The following SS18L1 variants were observed in gnomAD, a reference collection of about 807,000 sequenced individuals.
The protein encoded by SS18L1 is calcium-responsive transactivator.
Under a neutral mutation model 70.3 loss-of-function variants are expected in SS18L1, and 32 were observed. That is an observed-to-expected ratio of 0.46 (90% CI 0.34 to 0.61). SS18L1 has a LOEUF of 0.61. Among genes scored for constraint, SS18L1 ranks in the 20% least tolerant of loss-of-function variants. The pLI is 0.01. For missense variants in SS18L1, 430 were observed against 542.1 expected (o/e 0.79, Z 2.05); for synonymous variants, 237 against 229.7 (o/e 1.03, Z -0.29).
rs560722628 is a variant in SS18L1, at chr20:62,147,850, G to A, written c.69+3961G>A. Among the ~76,000 whole-genome samples the A allele has an allele frequency of 2.6e-5, 4 of 152,248 alleles. No individual in the cohort carries two copies. In the South Asian group the frequency reaches 8.3e-4, roughly 32 times the overall value. On this transcript the variant is annotated intron_variant, in intron 1 of 10. Transcript: ENST00000331758. ...CCATGTCCTTGGTACCCAGGTGCGG[G>A]GGTGGGGCATGGGCAAGGGGCGCAC...
At chr20:62,155,335 C>T (rs2057203651) in intron 1 of SS18L1, among the ~76,000 whole-genome samples, 1 of 152,178 alleles carries the variant, frequency 6.6e-6, no homozygotes, top group Non-Finnish European at 1.5e-5. Flanking sequence ...ATCACTTGAG[C>T]CTGGGAGGTG....
intron 8 of SS18L1, among the ~76,000 whole-genome samples, chr20:62,168,776 T>C (rs997586811): frequency 6.6e-6 from 1 of 152,188 alleles, no homozygotes; most frequent in Non-Finnish European, 1.5e-5. Flanking sequence ...ATCACACCAC[T>C]GCGCTCCAGC....
At chr20:62,157,040 A>ACC (rs1202703599) in intron 1 of SS18L1, among the ~76,000 whole-genome samples, 8 of 148,578 alleles carry the variant, frequency 5.4e-5, no homozygotes, top group African/African-American at 1.0e-4. Context: ...CCCCTCCCAT[A>ACC]CCCCCTCTCT....
intron 8 of SS18L1, among the ~76,000 whole-genome samples, chr20:62,172,163 CAA>C (rs757618374): frequency 6.1e-5 from 8 of 131,110 alleles, no homozygotes; most frequent in Admixed American, 7.7e-5. Context: ...AACTCCATCT[CAA>C]AAAAAAAAAA....
At chr20:62,178,127 A>G (rs1269270423) in intron 10 of SS18L1, among the ~76,000 whole-genome samples, 2 of 147,398 alleles carry the variant, frequency 1.4e-5, no homozygotes, top group Non-Finnish European at 1.5e-5. Context: ...ATGCGCCACA[A>G]CATGTGGCTT....
chr20:62,159,933 A>G lies in SS18L1; in HGVS notation c.203A>G (p.Asn68Ser), dbSNP rs2057294391. 4 of 1,612,242 alleles carry G rather than the reference A, an allele frequency of 2.5e-6. No individual in the cohort carries two copies. The highest frequency in any genetic ancestry group is 1.1e-5 in the South Asian group (1 of 91,014). The change falls in exon 3 of 11, where the codon AAC becomes AGC. Residue 68 changes from asparagine (N) to serine (S), a missense_variant. Physicochemically the swap from Asn to Ser is conservative, Grantham distance 46. Coordinates refer to ENST00000331758, the MANE Select transcript of SS18L1 (RefSeq NM_198935.3). The surrounding 1 kb of genome is among the most constrained non-coding windows in gnomAD (Gnocchi z 4.4). ...LVYLATIADS[N>S]QNMQSLLPAP... ...TACCTGGCCACGATCGCAGACTCCA[A>G]CCAGAACATGCAGTCCCTGCTTCCT...
rs1568747215 is a variant in SS18L1, at chr20:62,159,866, CT to C, written c.147-10del. 1 of 1,611,664 alleles carries C rather than the reference CT, an allele frequency of 6.2e-7. No individual in the cohort carries two copies. Among genetic ancestry groups the C allele is most frequent in the Non-Finnish European group, 8.5e-7 (1 of 1,179,564 alleles). ...CGTCGTCCTGCCTCATGCGTGCCCC[CT>C]CTCCTGCAGGTACCAGCAGATCCTG... On this transcript the variant is annotated splice_polypyrimidine_tract_variant and intron_variant, in intron 2 of 10. Coordinates refer to ENST00000331758, the MANE Select transcript of SS18L1 (RefSeq NM_198935.3). The surrounding 1 kb of genome is among the most constrained non-coding windows in gnomAD (Gnocchi z 4.4).
chr20:62,180,929 A>G lies in SS18L1; in HGVS notation c.*1721A>G, dbSNP rs907382779. 5.1e-5 allele frequency: 9 copies of G among 176,070 alleles called. No individual in the cohort carries two copies. Among genetic ancestry groups the G allele is most frequent in the African/African-American group, 2.1e-4 (9 of 42,308 alleles). 10.9% of individuals were successfully genotyped at this position (176,070 alleles called of 1,614,324 possible). On this transcript the variant is annotated 3_prime_UTR_variant, in exon 11 of 11. Coordinates refer to ENST00000331758, the MANE Select transcript of SS18L1 (RefSeq NM_198935.3). ...AAATAAATAAATAAATAAATAAGTT[A>G]AAATTAATTCTTTATCCAGAGTCGG... is the stretch of plus-strand genomic sequence containing the variant.
rs2057288652 is a variant in SS18L1, at chr20:62,159,638, T to A, written c.147-239T>A. ...TGTTACCTTAGAGTCTTTCCAGAGT[T>A]TTTGTCATGGGTTGGGAGCCTGCTC... On this transcript the variant is annotated intron_variant, in intron 2 of 10. Coordinates refer to ENST00000331758, the MANE Select transcript of SS18L1 (RefSeq NM_198935.3). This position sits in a 1 kb window ranked among gnomAD's most constrained non-coding sequence, Gnocchi z 4.4. 6.6e-6 allele frequency among the ~76,000 whole-genome samples: 1 copy of A among 151,916 alleles called. No individual in the cohort carries two copies. Among genetic ancestry groups the A allele is most frequent in the Non-Finnish European group, 1.5e-5 (1 of 67,884 alleles).
intron 1 of SS18L1, among the ~76,000 whole-genome samples, chr20:62,145,704 G>T (rs2057012908): frequency 6.6e-6 from 1 of 152,206 alleles, no homozygotes; most frequent in Non-Finnish European, 1.5e-5. Context: ...GCTGACCATT[G>T]GAAATAGGCC....
intron 4 of SS18L1, 87 bp from the exon 5 acceptor site, chr20:62,162,665 C>T: frequency 7.0e-7 from 1 of 1,424,368 alleles, no homozygotes. Context: ...CCCAAAGTCA[C>T]TTGAAGGGAA....
intron 7 of SS18L1, 99 bp downstream of exon 7, chr20:62,164,345 G>A: frequency 8.3e-7 from 1 of 1,208,472 alleles, no homozygotes; most frequent in Middle Eastern, 2.8e-4. Flanking sequence ...ACTGCAGTGT[G>A]TCCTCAGTCA....
Position 62,165,757 on chromosome 20 carries a change from G to T in SS18L1, c.916+243G>T, listed in dbSNP as rs370896436. Among the ~76,000 whole-genome samples the T allele has an allele frequency of 3.9e-5, 6 of 151,934 alleles. No homozygotes were observed. In the East Asian group the frequency reaches 1.2e-3, roughly 29 times the overall value. On this transcript the variant is annotated intron_variant, in intron 8 of 10. Coordinates refer to ENST00000331758, the MANE Select transcript of SS18L1 (RefSeq NM_198935.3). ...GATTCAGCCGGCCATGCTGGGGTTG[G>T]GGGCACAGACTTGGTTATTGGGTCC...
At position 62,165,550 on chromosome 20, in the gene SS18L1, A is replaced by G. The variant is rs1362446158; in HGVS notation, c.916+36A>G. 6 of 1,580,192 alleles carry G rather than the reference A, an allele frequency of 3.8e-6. No homozygotes were observed. In the South Asian group the frequency reaches 5.7e-5, roughly 15 times the overall value. On this transcript the variant is annotated intron_variant, in intron 8 of 10. Coordinates refer to ENST00000331758, the MANE Select transcript of SS18L1 (RefSeq NM_198935.3). ...CGGCTGCGTGCTGGGCTCGAGCGTAAGCGCCACACGCAGCAGAGTTAAGAC... is the reference window on the plus strand; with the variant it reads ...CGGCTGCGTGCTGGGCTCGAGCGTAGGCGCCACACGCAGCAGAGTTAAGAC...
At chr20:62,149,209 C>T (rs913992438) in intron 1 of SS18L1, among the ~76,000 whole-genome samples, 1 of 152,228 alleles carries the variant, frequency 6.6e-6, no homozygotes, top group South Asian at 2.1e-4. Flanking sequence ...GAGCAGTTAG[C>T]GGGCTGGCGC....
At chr20:62,146,208 C>T (rs958681678) in intron 1 of SS18L1, among the ~76,000 whole-genome samples, 7 of 152,216 alleles carry the variant, frequency 4.6e-5, no homozygotes, top group South Asian at 2.1e-4. Context: ...TCACGTGTTC[C>T]GCGTCTCATG....
rs2145786613 is a variant in SS18L1, at chr20:62,174,957, T to C, written c.1164+313T>C. 1 of 969,326 alleles carries C rather than the reference T, an allele frequency of 1.0e-6. No homozygotes were observed. The highest frequency in any genetic ancestry group is 1.2e-6 in the Non-Finnish European group (1 of 815,388). The allele number at this position is 969,326 out of a possible 1,614,324, so 60.0% of individuals were successfully genotyped here. A position where few individuals can be genotyped will look rare whatever the true frequency, so the allele number is the denominator to read the frequency against. On this transcript the variant is annotated intron_variant, in intron 10 of 10. Transcript: ENST00000331758. The surrounding 1 kb of genome is among the most constrained non-coding windows in gnomAD (Gnocchi z 4.1). ...CGTCCGGTCTCTGCTGAGTGCTTGG[T>C]GTGTGGCCGCGACACGAACCCTGCA...
chr20:62,152,309 T>C (rs889893385), intron 1 of SS18L1, among the ~76,000 whole-genome samples: 1 of 152,194 alleles, frequency 6.6e-6, no homozygotes, highest in Non-Finnish European at 1.5e-5. Flanking sequence ...GATGGGCACA[T>C]TGATGAAGCA....
chr20:62,154,110 G>A (rs772098245), intron 1 of SS18L1, among the ~76,000 whole-genome samples: 1 of 152,172 alleles, frequency 6.6e-6, no homozygotes, highest in African/African-American at 2.4e-5. Flanking sequence ...AGATTGAAAC[G>A]GGGGAGCTGA....
Sources: allele counts gnomAD v4.1 joint callset (sites outside exome capture counted in the v4.1 genomes callset), GRCh38; gene constraint gnomAD v4.1.1; non-coding constraint Gnocchi (gnomAD v3.1); transcripts MANE v1.5; gene names NCBI Gene and HGNC (gene_info 2026-07-23, HGNC 2026-07-21).